MMP16: variants seen among roughly 807,000 people sequenced by gnomAD.
The protein encoded by MMP16 is matrix metallopeptidase 16, also known as matrix metalloproteinase-16.
In MMP16, 12 loss-of-function variants were observed where a neutral mutation model predicts 67.8. That is an observed-to-expected ratio of 0.18 (90% CI 0.11 to 0.29). MMP16 has a LOEUF of 0.29. MMP16 is among the 10% of genes least tolerant of loss of function. MMP16 has a pLI of 1.00. For synonymous variants in MMP16, 249 were observed against 255.9 expected, an observed-to-expected ratio of 0.97 and a Z score of 0.26; for missense variants, 475 against 765.7, an observed-to-expected ratio of 0.62 and a Z score of 4.48.
chr8:88,070,992 A>T (rs1319412933), intron 7 of MMP16, among the ~76,000 whole-genome samples: 1 of 152,106 alleles, frequency 6.6e-6, no homozygotes, highest in Non-Finnish European at 1.5e-5. Flanking sequence ...ACTAAAAAGC[A>T]GTAAGATTAT....
chr8:88,167,859 A>C lies in MMP16; in HGVS notation c.519T>G (p.Ser173Arg). Residue 173 changes from serine (S) to arginine (R), a missense_variant, in exon 4 of 10, where the codon AGT becomes AGG. Physicochemically the swap from Ser to Arg is moderately radical, Grantham distance 110. Around this residue, in one of 5 missense-constraint regions of MMP16, gnomAD observed 170 missense variants for 239.6 expected, o/e 0.71. Coordinates refer to ENST00000286614, the MANE Select transcript of MMP16 (RefSeq NM_005941.5). ...CATCACGTTTGCCATTTTCTAATTCACTGTAGGGAACTTCTTCAAATGTCA... is the reference window on the plus strand; with the variant it reads ...CATCACGTTTGCCATTTTCTAATTCCCTGTAGGGAACTTCTTCAAATGTCA... ...TPLTFEEVPY[S>R]ELENGKRDVD... The C allele has an allele frequency of 6.2e-7, 1 of 1,614,008 alleles. No homozygotes were observed.
intron 4 of MMP16, among the ~76,000 whole-genome samples, chr8:88,158,545 A>G (rs1159900859): frequency 1.3e-5 from 2 of 152,104 alleles, no homozygotes; most frequent in Non-Finnish European, 2.9e-5. Context: ...GTTTGAGTTC[A>G]TTGTAGATTC....
chr8:88,120,659 A>G (rs982218674), intron 4 of MMP16, among the ~76,000 whole-genome samples: 1 of 151,938 alleles, frequency 6.6e-6, no homozygotes, highest in African/African-American at 2.4e-5. Flanking sequence ...GAACAGCAGA[A>G]AACTCAGGAA....
At chr8:88,183,931 A>G (rs1003981036) in intron 3 of MMP16, among the ~76,000 whole-genome samples, 1 of 151,516 alleles carries the variant, frequency 6.6e-6, no homozygotes, top group African/African-American at 2.4e-5. Context: ...ATTTTAGTAT[A>G]GACAGGGTTT....
intron 1 of MMP16, among the ~76,000 whole-genome samples, chr8:88,288,188 T>C (rs1810863549): frequency 6.6e-6 from 1 of 152,224 alleles, no homozygotes; most frequent in African/African-American, 2.4e-5. Context: ...CTCCAACAGT[T>C]ACCAAAACCA....
intron 4 of MMP16, among the ~76,000 whole-genome samples, chr8:88,135,886 T>G (rs1808110782): frequency 6.6e-6 from 1 of 151,856 alleles, no homozygotes; most frequent in South Asian, 2.1e-4. Flanking sequence ...TTTGGAACTC[T>G]CGAAGAAAAA....
chr8:88,327,320 T>A lies in MMP16; in HGVS notation c.-114A>T. On this transcript the variant is annotated 5_prime_UTR_variant, in exon 1 of 10. Coordinates refer to ENST00000286614, the MANE Select transcript of MMP16 (RefSeq NM_005941.5). Reference sequence around the variant, plus strand: ...AAGTCCTCCGGGTGGGTAAGGAGCCTGCAGGTTCACCCACAGCCGGGCAAG... The same window carrying A: ...AAGTCCTCCGGGTGGGTAAGGAGCCAGCAGGTTCACCCACAGCCGGGCAAG... 1 of 1,422,702 alleles carries A rather than the reference T, an allele frequency of 7.0e-7. No individual in the cohort carries two copies. The highest frequency in any genetic ancestry group is 9.6e-7 in the Non-Finnish European group (1 of 1,037,370). 88.1% of individuals were successfully genotyped at this position (1,422,702 alleles called of 1,614,324 possible). A position where few individuals can be genotyped will look rare whatever the true frequency, so the allele number is the denominator to read the frequency against.
chr8:88,122,778 T>G (rs1035865762), intron 4 of MMP16, among the ~76,000 whole-genome samples: 3 of 150,990 alleles, frequency 2.0e-5, no homozygotes, highest in African/African-American at 7.3e-5. Flanking sequence ...GATCTCACAC[T>G]CACATTGTAT....
intron 4 of MMP16, among the ~76,000 whole-genome samples, chr8:88,151,431 C>T (rs1385891353): frequency 2.2e-3 from 337 of 151,118 alleles, no homozygotes; most frequent in African/African-American, 7.8e-3. Context: ...CACCACACCA[C>T]ACCTATTCCA....
At chr8:88,191,291 C>A (rs563782376) in intron 2 of MMP16, among the ~76,000 whole-genome samples, 3 of 152,102 alleles carry the variant, frequency 2.0e-5, no homozygotes, top group Non-Finnish European at 4.4e-5. Context: ...GTTTCCGCAT[C>A]TTTAAAGGAG....
chr8:88,135,537 G>A lies in MMP16; in HGVS notation c.710-16676C>T, dbSNP rs1398830867. 3.3e-5 allele frequency among the ~76,000 whole-genome samples: 5 copies of A among 151,908 alleles called. No homozygotes were observed. The South Asian group carries it at 8.3e-4, about 25-fold the overall frequency. ...CTTGGGGTTTAAAACTGGAGTCAGGGTGACCAGTTGTGCTCTAATCAAAAT... is the reference window on the plus strand; with the variant it reads ...CTTGGGGTTTAAAACTGGAGTCAGGATGACCAGTTGTGCTCTAATCAAAAT... On this transcript the variant is annotated intron_variant, in intron 4 of 9. Coordinates refer to ENST00000286614, the MANE Select transcript of MMP16 (RefSeq NM_005941.5).
chr8:88,109,987 A>G (rs1031958547), intron 6 of MMP16, among the ~76,000 whole-genome samples: 2 of 151,288 alleles, frequency 1.3e-5, no homozygotes, highest in African/African-American at 4.8e-5. Flanking sequence ...AATAAAATAT[A>G]TCCTAAATTC....
At chr8:88,132,116 GC>G (rs1191248465) in intron 4 of MMP16, among the ~76,000 whole-genome samples, 2 of 151,668 alleles carry the variant, frequency 1.3e-5, no homozygotes, top group Non-Finnish European at 2.9e-5. Context: ...ATCTATTTTA[GC>G]TGTGGAGAAA....
Position 88,197,254 on chromosome 8 carries a change from A to G in MMP16, c.185T>C (p.Val62Ala). The G allele has an allele frequency of 1.2e-6, 2 of 1,602,706 alleles. No homozygotes were observed. Among genetic ancestry groups the G allele is most frequent in the Non-Finnish European group, 8.5e-7 (1 of 1,175,014 alleles). Residue 62 changes from valine (V) to alanine (A), a missense_variant, in exon 2 of 10, where the codon GTG (valine) becomes GCG (alanine). Physicochemically the swap from Val to Ala is moderately conservative, Grantham distance 64. Around this residue, in one of 5 missense-constraint regions of MMP16, gnomAD observed 170 missense variants for 239.6 expected, o/e 0.71. Transcript: ENST00000286614. ...YLPPTDPRMSVLRSAETMQSA... is the reference protein window; with the variant it reads ...YLPPTDPRMSALRSAETMQSA... ...CTGCATGGTCTCTGCAGAGCGCAGC[A>G]CTGACATTCTGGGGTCAGTCGGTGG...
chr8:88,119,630 T>C (rs1807785973), intron 4 of MMP16, among the ~76,000 whole-genome samples: 1 of 152,084 alleles, frequency 6.6e-6, no homozygotes, highest in African/African-American at 2.4e-5. Flanking sequence ...TGTGATTTTA[T>C]GCAATCAACC....
At chr8:88,316,343 G>A (rs1314700090) in intron 1 of MMP16, among the ~76,000 whole-genome samples, 1 of 152,140 alleles carries the variant, frequency 6.6e-6, no homozygotes, top group African/African-American at 2.4e-5. Flanking sequence ...AAAAGTCAGT[G>A]CCTGGCATCA....
In MMP16 at chr8:88,184,746, C is replaced by CAAAAAAAAAAAAAAAAAAAAAAAAAA. The variant is rs61606557; in HGVS notation, c.404+1704_404+1729dup. Among the ~76,000 whole-genome samples the CAAAAAAAAAAAAAAAAAAAAAAAAAA allele has an allele frequency of 5.1e-4, 24 of 47,482 alleles. 1 individual carries two copies. Among genetic ancestry groups the CAAAAAAAAAAAAAAAAAAAAAAAAAA allele is most frequent in the African/African-American group, 5.8e-4 (6 of 10,420 alleles). The allele number at this position is 47,482 out of a possible 152,430, so 31.2% of individuals were successfully genotyped here. On this transcript the variant is annotated intron_variant, in intron 3 of 9. Coordinates refer to ENST00000286614, the MANE Select transcript of MMP16 (RefSeq NM_005941.5). ...TGAGCGACAGAGTGAGGCCCTGTCT[C>CAAAAAAAAAAAAAAAAAAAAAAAAAA]AAAAAAAAAAAAAAAAAAAAAAAAA...
intron 1 of MMP16, among the ~76,000 whole-genome samples, chr8:88,218,810 T>A (rs1402762141): frequency 1.3e-5 from 2 of 152,036 alleles, no homozygotes; most frequent in Non-Finnish European, 2.9e-5. Context: ...TAATATGGTA[T>A]CAAATTAAAA....
At chr8:88,259,915 G>A (rs1236750416) in intron 1 of MMP16, among the ~76,000 whole-genome samples, 1 of 152,170 alleles carries the variant, frequency 6.6e-6, no homozygotes, top group Non-Finnish European at 1.5e-5. Flanking sequence ...GTAAACTGGT[G>A]TGAATAAGTC....
Sources: gnomAD v4.1 joint callset for allele counts (sites outside exome capture counted in the v4.1 genomes callset) on GRCh38, gnomAD v4.1.1 for gene constraint, gnomAD v4.1.1 regional missense constraint, MANE v1.5 for transcripts, NCBI Gene and HGNC (gene_info 2026-07-23, HGNC 2026-07-21) for gene names.